SYN3: variants seen among roughly 807,000 people sequenced by gnomAD.
SYN3 encodes the protein synapsin III, also known as synapsin-3.
SYN3 carries 35 observed loss-of-function variants against 65.8 expected under a neutral mutation model. That is an observed-to-expected ratio of 0.53 (90% CI 0.41 to 0.70). The LOEUF is 0.70. Ranked by LOEUF, SYN3 falls within the 30% of genes least tolerant of loss-of-function variation. The probability of loss-of-function intolerance (pLI) is 0.00; values close to 1 mark genes in which losing one functional copy is unlikely to be tolerated. For missense variants in SYN3, 680 were observed against 749.0 expected, an observed-to-expected ratio of 0.91 and a Z score of 1.08; for synonymous variants, 270 against 292.9, an observed-to-expected ratio of 0.92 and a Z score of 0.80.
intron 6 of SYN3, among the ~76,000 whole-genome samples, chr22:32,670,801 G>A (rs2060349826): frequency 6.6e-6 from 1 of 152,234 alleles, no homozygotes; most frequent in Admixed American, 6.5e-5. Flanking sequence ...ACGAGCATGT[G>A]CTACTTTTAT....
At chr22:32,658,754 G>T (rs1185314201) in intron 6 of SYN3, among the ~76,000 whole-genome samples, 2 of 152,170 alleles carry the variant, frequency 1.3e-5, no homozygotes, top group East Asian at 3.8e-4. Flanking sequence ...CTAAAAAAGG[G>T]ACGTTGAGCT....
chr22:32,519,115 A>G (rs2057830347), intron 12 of SYN3, among the ~76,000 whole-genome samples: 1 of 152,090 alleles, frequency 6.6e-6, no homozygotes, highest in Non-Finnish European at 1.5e-5. Flanking sequence ...AGCCTCCAGA[A>G]CTGTGAAAAA....
chr22:33,007,508 C>T (rs1255553870), intron 1 of SYN3, among the ~76,000 whole-genome samples: 2 of 152,064 alleles, frequency 1.3e-5, no homozygotes, highest in African/African-American at 2.4e-5. Flanking sequence ...GGAAATGAGC[C>T]CTTTGGGAGG....
intron 6 of SYN3, among the ~76,000 whole-genome samples, chr22:32,738,815 A>T (rs1022620662): frequency 2.6e-5 from 4 of 152,252 alleles, no homozygotes; most frequent in Non-Finnish European, 4.4e-5. Flanking sequence ...AGTGTGTGAC[A>T]GAGATCAGGC....
intron 1 of SYN3, among the ~76,000 whole-genome samples, chr22:33,018,022 G>A (rs1298881052): frequency 6.6e-6 from 1 of 152,196 alleles, no homozygotes; most frequent in Non-Finnish European, 1.5e-5. Context: ...GTCAGATCAT[G>A]AAGGGCCATG....
At chr22:32,578,152 ATTTTCTTTCTTTCCTTTTC>A (rs1427807601) in intron 7 of SYN3, among the ~76,000 whole-genome samples, 2 of 151,662 alleles carry the variant, frequency 1.3e-5, no homozygotes, top group South Asian at 2.1e-4. Context: ...GTAAGCCAGT[ATTTTCTTTCTTTCCTTTTC>A]TTTTCTTTCT....
At chr22:32,742,028 C>T (rs1013229060) in intron 6 of SYN3, among the ~76,000 whole-genome samples, 11 of 151,870 alleles carry the variant, frequency 7.2e-5, no homozygotes, top group Non-Finnish European at 1.6e-4. Flanking sequence ...AATCCCAGCA[C>T]TTTGGGAGCC....
intron 6 of SYN3, among the ~76,000 whole-genome samples, chr22:32,663,447 C>T (rs1479423182): frequency 3.3e-5 from 5 of 152,022 alleles, no homozygotes; most frequent in Non-Finnish European, 4.4e-5. Flanking sequence ...TATAGGCACC[C>T]ACCACCACGC....
chr22:32,694,231 C>T (rs573826764), intron 6 of SYN3, among the ~76,000 whole-genome samples: 102 of 152,254 alleles, frequency 6.7e-4, no homozygotes, highest in South Asian at 6.0e-3. Flanking sequence ...TATTCTACAT[C>T]CACAGACTCT....
chr22:32,578,587 C>T (rs2058890035), intron 7 of SYN3, among the ~76,000 whole-genome samples: 1 of 152,052 alleles, frequency 6.6e-6, no homozygotes, highest in African/African-American at 2.4e-5. Flanking sequence ...TGAAATTGGT[C>T]ATCAAATCAA....
At chr22:32,546,156 G>A (rs1327227090) in intron 7 of SYN3, among the ~76,000 whole-genome samples, 1 of 152,074 alleles carries the variant, frequency 6.6e-6, no homozygotes, top group Non-Finnish European at 1.5e-5. Context: ...AATAAAAAAC[G>A]GATTCTACCC....
At chr22:32,589,561 CTCA>C (rs1202411318) in intron 7 of SYN3, among the ~76,000 whole-genome samples, 1 of 152,178 alleles carries the variant, frequency 6.6e-6, no homozygotes, top group Non-Finnish European at 1.5e-5. Context: ...TCCTAACTCT[CTCA>C]TCTTTGCTCC....
intron 3 of SYN3, among the ~76,000 whole-genome samples, chr22:32,971,540 TAGGAAG>T (rs1362491423): frequency 1.3e-5 from 2 of 152,052 alleles, no homozygotes; most frequent in African/African-American, 4.8e-5. Flanking sequence ...GGAGGTCAAA[TAGGAAG>T]ATCAAATTAT....
chr22:32,924,059 T>C (rs1263625214), intron 4 of SYN3, among the ~76,000 whole-genome samples: 2 of 152,242 alleles, frequency 1.3e-5, no homozygotes, highest in African/African-American at 4.8e-5. Context: ...CATGTATATG[T>C]ACCACATTTT....
In SYN3 at chr22:32,535,408, G is replaced by A. The variant is rs181783540; in HGVS notation, c.993-1513C>T. Among the ~76,000 whole-genome samples the A allele has an allele frequency of 1.8e-4, 28 of 152,320 alleles. No homozygotes were observed. In the Middle Eastern group the frequency reaches 0.01, roughly 56 times the overall value. ...AGACTTGGGGCTCCACCCTATGTTA[G>A]AGTAATTTCTATAATTTTTTAAAGC... On this transcript the variant is annotated intron_variant, in intron 9 of 13. Coordinates refer to ENST00000358763, the MANE Select transcript of SYN3 (RefSeq NM_003490.4).
chr22:32,568,573 C>T (rs1026872873), intron 7 of SYN3, among the ~76,000 whole-genome samples: 1 of 152,112 alleles, frequency 6.6e-6, no homozygotes, highest in African/African-American at 2.4e-5. Flanking sequence ...TGGTGAGGCC[C>T]TGATTTATTC....
chr22:32,674,321 T>C (rs374420008), intron 6 of SYN3, among the ~76,000 whole-genome samples: 1,954 of 152,280 alleles, frequency 0.013, 41 homozygotes, highest in African/African-American at 0.045. Flanking sequence ...GGGAAAGCGA[T>C]GTTCCAGTGA....
intron 6 of SYN3, among the ~76,000 whole-genome samples, chr22:32,813,918 C>A (rs1442196324): frequency 6.6e-6 from 1 of 152,102 alleles, no homozygotes; most frequent in Non-Finnish European, 1.5e-5. Flanking sequence ...CATTGCCTGG[C>A]ATGTAGTAAG....
intron 6 of SYN3, among the ~76,000 whole-genome samples, chr22:32,770,861 T>C (rs1303110955): frequency 6.6e-6 from 1 of 152,104 alleles, no homozygotes; most frequent in Non-Finnish European, 1.5e-5. Context: ...CACATATGTG[T>C]TCAATTAACA....
Sources: allele counts gnomAD v4.1 joint callset (sites outside exome capture counted in the v4.1 genomes callset), GRCh38; gene constraint gnomAD v4.1.1; transcripts MANE v1.5; gene names NCBI Gene and HGNC (gene_info 2026-07-23, HGNC 2026-07-21).